Variants in MARK1 observed in about 807,000 individuals in gnomAD.
MARK1 encodes microtubule affinity regulating kinase 1.
A neutral mutation model predicts 96.3 loss-of-function variants in MARK1; 40 were observed. The observed-to-expected ratio is 0.42, with a 90% CI of 0.32 to 0.54. The LOEUF (loss-of-function observed/expected upper bound fraction) is 0.54, where lower values mean the gene tolerates loss of function less well. Ranked by LOEUF, MARK1 falls within the 20% of genes least tolerant of loss-of-function variation. The probability of loss-of-function intolerance (pLI) is 0.16; values close to 1 mark genes in which losing one functional copy is unlikely to be tolerated. For synonymous variants in MARK1, 317 were observed against 341.2 expected (o/e 0.93, Z 0.78); for missense variants, 719 against 984.6 (o/e 0.73, Z 3.61).
intron 9 of MARK1, among the ~76,000 whole-genome samples, chr1:220,629,649 T>C (rs1390346730): frequency 6.6e-6 from 1 of 152,192 alleles, no homozygotes; most frequent in Non-Finnish European, 1.5e-5. Context: ...CTATTATACT[T>C]TATGTTCCTA....
intron 3 of MARK1, among the ~76,000 whole-genome samples, chr1:220,595,190 G>A (rs780430587): frequency 1.4e-4 from 22 of 152,174 alleles, no homozygotes; most frequent in Non-Finnish European, 3.2e-4. Flanking sequence ...TTATGTTTAT[G>A]TGTATCATAG....
In MARK1 at chr1:220,631,090, CAT is replaced by C; in HGVS notation, c.969_970del (p.Thr324Ter). On this transcript the variant is annotated frameshift_variant, in exon 10 of 18. Transcript: ENST00000366917. LOFTEE classifies it high-confidence loss of function. Reference sequence around the variant, plus strand: ...GGTCATGAAGAGGAAGAACTAAAGCCATATACTGAGCCTGATCCGGATTTCAA... The same window carrying C: ...GGTCATGAAGAGGAAGAACTAAAGCCATACTGAGCCTGATCCGGATTTCAA... 1 of 1,612,768 alleles carries C rather than the reference CAT, an allele frequency of 6.2e-7. No homozygotes were observed.
At chr1:220,651,219 G>A (rs1341387080) in intron 14 of MARK1, among the ~76,000 whole-genome samples, 4 of 152,060 alleles carry the variant, frequency 2.6e-5, no homozygotes, top group African/African-American at 9.7e-5. Flanking sequence ...CTTAAAAGAT[G>A]TGTCTTCTTT....
chr1:220,618,840 T>A lies in MARK1; in HGVS notation c.909+85T>A. 2 of 1,230,070 alleles carry A rather than the reference T, an allele frequency of 1.6e-6. No homozygotes were observed. The highest frequency in any genetic ancestry group is 2.2e-6 in the Non-Finnish European group (2 of 907,634). 76.2% of individuals were successfully genotyped at this position (1,230,070 alleles called of 1,614,324 possible). On this transcript the variant is annotated intron_variant, in intron 9 of 17. Coordinates refer to ENST00000366917, the MANE Select transcript of MARK1 (RefSeq NM_018650.5). The surrounding 1 kb of genome is among the most constrained non-coding windows in gnomAD (Gnocchi z 4.6). ...AAGAGCATTTTTCTCCTATGTTTTC[T>A]TAGGAAAATTGCCAAATTATCTAAT...
rs779247133 is a variant in MARK1 at position 220,652,063 on chromosome 1, G to A, written c.1649G>A (p.Arg550His). 3.9e-5 allele frequency: 63 copies of A among 1,613,158 alleles called. No individual in the cohort carries two copies. Among genetic ancestry groups the A allele is most frequent in the Middle Eastern group, 1.6e-4 (1 of 6,082 alleles). Residue 550 changes from arginine (R) to histidine (H), a missense_variant, in exon 15 of 18, where the codon CGC becomes CAC. This residue lies in a region of MARK1 where 501 missense variants were observed against 588.3 expected (regional missense o/e 0.85). Transcript: ENST00000366917. ...TCTGCTGTCCCCTCAGCACGACCCC[G>A]CCACCAGAAGTCCATGTCCACTTCT... ...VASAVPSARP[R>H]HQKSMSTSGH...
chr1:220,658,228 A>G (rs1168538996), intron 17 of MARK1, among the ~76,000 whole-genome samples: 1 of 152,260 alleles, frequency 6.6e-6, no homozygotes, highest in South Asian at 2.1e-4. Flanking sequence ...TATTAGTAAT[A>G]TATTTTAGGT....
intron 1 of MARK1, among the ~76,000 whole-genome samples, chr1:220,577,272 GAA>G (rs35299453): frequency 6.7e-6 from 1 of 149,740 alleles, no homozygotes; most frequent in Non-Finnish European, 1.5e-5. Flanking sequence ...GTCTCAGGAA[GAA>G]AAAAAAAAAG....
At chr1:220,528,915 C>A in intron 1 of MARK1, 42 bp downstream of exon 1, 1 of 1,520,838 alleles carries the variant, frequency 6.6e-7, no homozygotes, top group South Asian at 1.2e-5. Context: ...GGGGGCGAGA[C>A]CCTCCTCTGA....
At chr1:220,646,609 A>G (rs922708252) in intron 13 of MARK1, among the ~76,000 whole-genome samples, 5 of 152,178 alleles carry the variant, frequency 3.3e-5, no homozygotes, top group African/African-American at 1.2e-4. Flanking sequence ...GATAATCCTA[A>G]GCAAAAACAA....
At chr1:220,560,489 C>G (rs1462070726) in intron 1 of MARK1, among the ~76,000 whole-genome samples, 6 of 152,154 alleles carry the variant, frequency 3.9e-5, no homozygotes, top group Admixed American at 3.9e-4. Flanking sequence ...CTTTGGCATA[C>G]CTTAATTGCC....
At chr1:220,552,950 A>G (rs554619050) in intron 1 of MARK1, among the ~76,000 whole-genome samples, 5 of 152,264 alleles carry the variant, frequency 3.3e-5, no homozygotes, top group South Asian at 2.1e-4. Context: ...ATGTTCATCT[A>G]TGTTGCTGGG....
At chr1:220,614,315 TAC>T (rs1326977700) in intron 6 of MARK1, among the ~76,000 whole-genome samples, 1 of 152,068 alleles carries the variant, frequency 6.6e-6, no homozygotes, top group African/African-American at 2.4e-5. Context: ...GCTTTTCAAA[TAC>T]ACAGTTCCCT....
chr1:220,549,310 G>C (rs1328500893), intron 1 of MARK1, among the ~76,000 whole-genome samples: 1 of 152,112 alleles, frequency 6.6e-6, no homozygotes, highest in Non-Finnish European at 1.5e-5. Context: ...TTGTTGTTTT[G>C]TTTAACTAAC....
At chr1:220,575,849 G>A (rs1179437152) in intron 1 of MARK1, among the ~76,000 whole-genome samples, 1 of 150,930 alleles carries the variant, frequency 6.6e-6, no homozygotes, top group Non-Finnish European at 1.5e-5. Context: ...ATAGGCCCAT[G>A]GGTATTATTT....
intron 1 of MARK1, among the ~76,000 whole-genome samples, chr1:220,550,073 G>T (rs189422961): frequency 6.6e-6 from 1 of 152,140 alleles, no homozygotes; most frequent in South Asian, 2.1e-4. Context: ...TCATTTTAAT[G>T]CATTCATTCT....
chr1:220,587,442 C>T (rs1172645457), intron 3 of MARK1, among the ~76,000 whole-genome samples: 2 of 151,998 alleles, frequency 1.3e-5, no homozygotes, highest in African/African-American at 4.8e-5. Context: ...GATCTCTGCT[C>T]ACTGCAACCT....
chr1:220,575,035 A>T (rs950962117), intron 1 of MARK1, among the ~76,000 whole-genome samples: 1 of 152,212 alleles, frequency 6.6e-6, no homozygotes, highest in African/African-American at 2.4e-5. Flanking sequence ...ATTTCTAAGG[A>T]TGTATAGCCA....
chr1:220,556,685 A>G (rs530589802), intron 1 of MARK1, among the ~76,000 whole-genome samples: 2 of 152,308 alleles, frequency 1.3e-5, no homozygotes, highest in South Asian at 4.1e-4. Flanking sequence ...TAATAAAAGA[A>G]TAAGAAATGA....
chr1:220,546,186 T>G (rs1661479172), intron 1 of MARK1, among the ~76,000 whole-genome samples: 1 of 152,216 alleles, frequency 6.6e-6, no homozygotes, highest in African/African-American at 2.4e-5. Flanking sequence ...CTGTCTCTCT[T>G]CCCTATGGTA....
Sources: allele counts gnomAD v4.1 joint callset (sites outside exome capture counted in the v4.1 genomes callset), GRCh38; gene constraint gnomAD v4.1.1; regional missense constraint gnomAD v4.1.1; non-coding constraint Gnocchi (gnomAD v3.1); transcripts MANE v1.5; gene names NCBI Gene and HGNC (gene_info 2026-07-23, HGNC 2026-07-21).